Variants in PHF3 observed in about 807,000 individuals in gnomAD.
The protein encoded by PHF3 is PHD finger protein 3.
PHF3 carries 41 observed loss-of-function variants against 178.4 expected under a neutral mutation model. That is an observed-to-expected ratio of 0.23 (90% confidence interval 0.18 to 0.30). The LOEUF is 0.30. PHF3 is among the 10% of genes least tolerant of loss of function. The pLI, the probability that PHF3 is intolerant of heterozygous loss-of-function variation, is 1.00. For missense variants in PHF3, 2,346 were observed against 2,398.1 expected, an observed-to-expected ratio of 0.98 and a Z score of 0.45; for synonymous variants, 842 against 800.5, an observed-to-expected ratio of 1.05 and a Z score of -0.88.
chr6:63,721,510 G>T lies in PHF3; in HGVS notation c.*7802G>T, dbSNP rs1275053066. On this transcript the variant is annotated 3_prime_UTR_variant, in exon 16 of 16. Coordinates refer to ENST00000262043, the MANE Select transcript of PHF3 (RefSeq NM_001370348.2). ...CGGATACAGCCTTGAAAACCTACAG[G>T]TTCATTTTCTATTGCCATGGGATTT... The T allele has an allele frequency of 6.4e-7, 1 of 1,550,832 alleles. No individual in the cohort carries two copies. Among genetic ancestry groups the T allele is most frequent in the Admixed American group, 2.0e-5 (1 of 50,926 alleles).
chr6:63,712,956 A>G lies in PHF3; in HGVS notation c.5368A>G (p.Arg1790Gly), dbSNP rs768116850. 2.5e-6 allele frequency: 4 copies of G among 1,613,970 alleles called. No homozygotes were observed. Among genetic ancestry groups the G allele is most frequent in the Admixed American group, 3.3e-5 (2 of 59,978 alleles). The change falls in exon 16 of 16, where the codon AGA (arginine) becomes GGA (glycine). Residue 1790 changes from arginine (R) to glycine (G), a missense_variant. Transcript: ENST00000262043. ...CTTTACTTCCAGAAGCACCAGCCCC[A>G]GAACAAGTACAAACTTTTCACCCAT... ...ITFTSRSTSP[R>G]TSTNFSPMRP...
chr6:63,638,371 T>A (rs1764436517), intron 1 of PHF3, among the ~76,000 whole-genome samples: 1 of 152,108 alleles, frequency 6.6e-6, no homozygotes, highest in South Asian at 2.1e-4. Flanking sequence ...CAATTCTGTG[T>A]TTCAGTTACT....
At chr6:63,672,098 C>T (rs1197203705) in intron 2 of PHF3, among the ~76,000 whole-genome samples, 1 of 152,208 alleles carries the variant, frequency 6.6e-6, no homozygotes, top group African/African-American at 2.4e-5. Context: ...GCCTCAGCCT[C>T]CCAAAGTGCT....
chr6:63,719,476 A>G lies in PHF3; in HGVS notation c.*5768A>G, dbSNP rs1768291753. On this transcript the variant is annotated 3_prime_UTR_variant, in exon 16 of 16. Coordinates refer to ENST00000262043, the MANE Select transcript of PHF3 (RefSeq NM_001370348.2). ...GTCAGTCATATGTTGCCGGTTGCCA[A>G]GTGGCAAAATTATCACAGATATCAA... Among the ~76,000 whole-genome samples, 1 of 152,084 alleles carries G rather than the reference A, an allele frequency of 6.6e-6. No individual in the cohort carries two copies. The highest frequency in any genetic ancestry group is 6.6e-5 in the Admixed American group (1 of 15,220).
intron 5 of PHF3, among the ~76,000 whole-genome samples, chr6:63,693,286 TTGACC>T (rs1159543461): frequency 2.6e-5 from 4 of 152,204 alleles, no homozygotes; most frequent in Non-Finnish European, 2.9e-5. Context: ...GCTCATTGTA[TTGACC>T]ATAGCTGAGT....
Position 63,719,613 on chromosome 6 carries a change from A to G in PHF3, c.*5905A>G, listed in dbSNP as rs1472538807. On this transcript the variant is annotated 3_prime_UTR_variant, in exon 16 of 16. Transcript: ENST00000262043. ...CAATTGTATCAGTAACTGTTTTGGG[A>G]AAAATAATATTTTTTCAAGTTATGC... Among the ~76,000 whole-genome samples, 1 of 152,110 alleles carries G rather than the reference A, an allele frequency of 6.6e-6. No individual in the cohort carries two copies. Among genetic ancestry groups the G allele is most frequent in the African/African-American group, 2.4e-5 (1 of 41,450 alleles).
At chr6:63,638,990 A>C (rs1297694939) in intron 1 of PHF3, among the ~76,000 whole-genome samples, 1 of 152,152 alleles carries the variant, frequency 6.6e-6, no homozygotes, top group African/African-American at 2.4e-5. Flanking sequence ...TAGTCTGGGA[A>C]ACAAGATTCA....
chr6:63,665,255 A>ATT (rs1468493252), intron 2 of PHF3, among the ~76,000 whole-genome samples: 1 of 152,038 alleles, frequency 6.6e-6, no homozygotes, highest in Non-Finnish European at 1.5e-5. Flanking sequence ...AAAGGTGTGT[A>ATT]TTTTCTCATA....
chr6:63,702,788 G>T, intron 10 of PHF3, 149 bp downstream of exon 10: 1 of 719,668 alleles, frequency 1.4e-6, no homozygotes, highest in South Asian at 2.2e-5. Flanking sequence ...GGTTTTTTGA[G>T]TGTTGAGTAA....
intron 2 of PHF3, among the ~76,000 whole-genome samples, chr6:63,671,685 TA>T (rs1333990799): frequency 1.3e-5 from 2 of 152,246 alleles, no homozygotes; most frequent in African/African-American, 4.8e-5. Flanking sequence ...TCATGGTTAC[TA>T]AATAGTTCTA....
intron 1 of PHF3, among the ~76,000 whole-genome samples, chr6:63,637,681 A>G (rs550767738): frequency 1.2e-3 from 183 of 152,196 alleles, no homozygotes; most frequent in African/African-American, 4.3e-3. Context: ...TACAATACAT[A>G]CTTCATTTTC....
At chr6:63,686,394 A>G (rs1375536372) in intron 4 of PHF3, 1 of 152,548 alleles carries the variant, frequency 6.6e-6, no homozygotes, top group Non-Finnish European at 1.5e-5. Context: ...TTTCATAACT[A>G]TCAAACTTTA....
chr6:63,678,900 CCTT>C (rs993460791), intron 2 of PHF3: 1 of 435,290 alleles, frequency 2.3e-6, no homozygotes, highest in African/African-American at 2.0e-5. Context: ...CTAGATAACT[CCTT>C]GAGGTTCCTT....
At chr6:63,680,351 A>G (rs550480055) in intron 3 of PHF3, among the ~76,000 whole-genome samples, 190 bp downstream of exon 3, 1 of 139,912 alleles carries the variant, frequency 7.1e-6, no homozygotes, top group South Asian at 2.2e-4. Context: ...CACACTACCC[A>G]TTTCTCCTTC....
intron 2 of PHF3, among the ~76,000 whole-genome samples, chr6:63,676,315 A>C (rs1179661484): frequency 1.3e-5 from 2 of 152,206 alleles, no homozygotes. Flanking sequence ...ACTCTAGTGG[A>C]GAAGACTGTC....
rs1301350465 is a variant in PHF3 at position 63,714,012 on chromosome 6, T to TA, written c.*306dup. The TA allele has an allele frequency of 8.9e-6, 2 of 224,270 alleles. No individual in the cohort carries two copies. Among genetic ancestry groups the TA allele is most frequent in the Non-Finnish European group, 1.7e-5 (2 of 116,092 alleles). 13.9% of individuals were successfully genotyped at this position (224,270 alleles called of 1,614,324 possible). A position where few individuals can be genotyped will look rare whatever the true frequency, so the allele number is the denominator to read the frequency against. On this transcript the variant is annotated 3_prime_UTR_variant, in exon 16 of 16. Transcript: ENST00000262043. Reference sequence around the variant, plus strand: ...GCTTAGAAATTTTAGTTTTATTCCTTAATTGGTAAATATGGTTAACTATGG... The same window carrying TA: ...GCTTAGAAATTTTAGTTTTATTCCTTAAATTGGTAAATATGGTTAACTATGG...
chr6:63,641,742 A>T (rs974151054), intron 1 of PHF3, among the ~76,000 whole-genome samples: 1 of 151,604 alleles, frequency 6.6e-6, no homozygotes, highest in African/African-American at 2.4e-5. Flanking sequence ...GGTTCAAGCT[A>T]TTCTCCCACC....
intron 1 of PHF3, among the ~76,000 whole-genome samples, chr6:63,643,151 A>T (rs1180784550): frequency 3.9e-5 from 6 of 152,182 alleles, no homozygotes; most frequent in African/African-American, 1.4e-4. Flanking sequence ...CTGTTCCATG[A>T]TCTAATCCAG....
intron 1 of PHF3, among the ~76,000 whole-genome samples, chr6:63,642,628 A>T (rs1200175402): frequency 6.6e-6 from 1 of 152,214 alleles, no homozygotes. Context: ...ATTTAATTGG[A>T]TATACACGTA....
Sources: gnomAD v4.1 joint callset for allele counts (sites outside exome capture counted in the v4.1 genomes callset) on GRCh38, gnomAD v4.1.1 for gene constraint, MANE v1.5 for transcripts, NCBI Gene and HGNC (gene_info 2026-07-23, HGNC 2026-07-21) for gene names.